ELMO1: variants seen among roughly 807,000 people sequenced by gnomAD.
ELMO1 encodes the protein engulfment and cell motility 1, also known as engulfment and cell motility protein 1.
In ELMO1, 26 loss-of-function variants were observed where a neutral mutation model predicts 98.9. The observed-to-expected ratio is 0.26, with a 90% CI of 0.19 to 0.36. The LOEUF (loss-of-function observed/expected upper bound fraction) is 0.36. Ranked by LOEUF, ELMO1 falls within the 10% of genes least tolerant of loss-of-function variation. ELMO1 has a pLI of 1.00. For synonymous variants in ELMO1, 346 were observed against 346.0 expected, an observed-to-expected ratio of 1.00 and a Z score of 0.00; for missense variants, 627 against 935.2, an observed-to-expected ratio of 0.67 and a Z score of 4.30.
chr7:37,063,217 C>T (rs1283716051), intron 15 of ELMO1, among the ~76,000 whole-genome samples: 2 of 151,992 alleles, frequency 1.3e-5, no homozygotes, highest in Non-Finnish European at 2.9e-5. Context: ...CAAATGGATG[C>T]TCACACCTGG....
At chr7:37,315,847 C>T (rs1282488833) in intron 3 of ELMO1, 73 bp downstream of exon 3, 2 of 1,305,440 alleles carry the variant, frequency 1.5e-6, no homozygotes, top group Non-Finnish European at 2.2e-6. Context: ...TTTTACTATC[C>T]TACTGGAAAT....
Position 37,155,524 on chromosome 7 carries a change from C to G in ELMO1, c.1087-22290G>C, listed in dbSNP as rs948745723. Among the ~76,000 whole-genome samples, 3 of 141,796 alleles carry G rather than the reference C, an allele frequency of 2.1e-5. No homozygotes were observed. In the South Asian group the frequency reaches 6.7e-4, roughly 31 times the overall value. The allele number at this position is 141,796 out of a possible 152,430, so 93.0% of individuals were successfully genotyped here. A position where few individuals can be genotyped will look rare whatever the true frequency, so the allele number is the denominator to read the frequency against. On this transcript the variant is annotated intron_variant, in intron 13 of 21. Coordinates refer to ENST00000310758, the MANE Select transcript of ELMO1 (RefSeq NM_014800.11). Reference sequence around the variant, plus strand: ...AAAAAAAAAAGCAGGTGTTGCAATCCTGGTCTCTGATAAAACAGACTTTAA... The same window carrying G: ...AAAAAAAAAAGCAGGTGTTGCAATCGTGGTCTCTGATAAAACAGACTTTAA...
Position 37,132,264 on chromosome 7 carries a change from T to G in ELMO1, c.1191+866A>C, listed in dbSNP as rs146644350. Reference sequence around the variant, plus strand: ...TTAATGGACATGCTCTTACCATATTTTAAGTTCAGCCTTACTCTTCCTGAT... The same window carrying G: ...TTAATGGACATGCTCTTACCATATTGTAAGTTCAGCCTTACTCTTCCTGAT... On this transcript the variant is annotated intron_variant, in intron 14 of 21. Coordinates refer to ENST00000310758, the MANE Select transcript of ELMO1 (RefSeq NM_014800.11). Among the ~76,000 whole-genome samples the G allele has an allele frequency of 9.2e-5, 14 of 152,314 alleles. No individual in the cohort carries two copies. In the East Asian group the frequency reaches 2.7e-3, roughly 29 times the overall value.
Position 36,906,991 on chromosome 7 carries a change from C to T in ELMO1, c.1438-11974G>A, listed in dbSNP as rs539222970. 2.0e-5 allele frequency among the ~76,000 whole-genome samples: 3 copies of T among 152,252 alleles called. 1 individual carries two copies. The highest frequency in any genetic ancestry group is 3.9e-4 in the East Asian group (2 of 5,188). On this transcript the variant is annotated intron_variant, in intron 16 of 21. Coordinates refer to ENST00000310758, the MANE Select transcript of ELMO1 (RefSeq NM_014800.11). Reference sequence around the variant, plus strand: ...GCAGTGAAATTATTTATTCACTACTCGTCTCCCCAGCAGGACCTTGAGCCC... The same window carrying T: ...GCAGTGAAATTATTTATTCACTACTTGTCTCCCCAGCAGGACCTTGAGCCC...
intron 21 of ELMO1, among the ~76,000 whole-genome samples, chr7:36,858,152 T>A (rs1443587103): frequency 6.6e-6 from 1 of 152,246 alleles, no homozygotes. Flanking sequence ...GTATTTATCC[T>A]GCCTACCATA....
intron 15 of ELMO1, among the ~76,000 whole-genome samples, chr7:37,056,849 A>T: frequency 6.6e-6 from 1 of 152,286 alleles, no homozygotes; most frequent in East Asian, 1.9e-4. Context: ...GATTTGGTCC[A>T]CTTTCAGCTG....
intron 1 of ELMO1, among the ~76,000 whole-genome samples, chr7:37,445,979 G>A (rs1338918538): frequency 6.6e-6 from 1 of 152,170 alleles, no homozygotes; most frequent in Non-Finnish European, 1.5e-5. Context: ...AATCTCCCAA[G>A]GAATCACCTC....
chr7:36,926,078 T>A (rs1391336227), intron 16 of ELMO1, among the ~76,000 whole-genome samples: 10 of 152,176 alleles, frequency 6.6e-5, no homozygotes, highest in South Asian at 6.2e-4. Context: ...GAACCCAGCT[T>A]GGCTACAACT....
intron 14 of ELMO1, among the ~76,000 whole-genome samples, chr7:37,099,744 GTAT>G (rs1784541419): frequency 6.6e-6 from 1 of 151,974 alleles, no homozygotes; most frequent in Admixed American, 6.5e-5. Context: ...AATAAAGTAG[GTAT>G]TATTAGTCTC....
At position 37,379,345 on chromosome 7, in the gene ELMO1, C is replaced by T. The variant is rs150985708; in HGVS notation, c.-73-36582G>A. Among the ~76,000 whole-genome samples the T allele has an allele frequency of 1.7e-3, 266 of 152,190 alleles. 2 individuals are homozygous for T. Among genetic ancestry groups the T allele is most frequent in the African/African-American group, 5.4e-3 (226 of 41,554 alleles). The stretch of plus-strand genomic sequence containing the variant: ...TGTGAGCCACCGCGCCCGGCCTCAT[C>T]ACATTCTTCTTCTTCATTACTTTTC... On this transcript the variant is annotated intron_variant, in intron 1 of 21. Transcript: ENST00000310758.
chr7:37,378,596 A>C (rs1161944379), intron 1 of ELMO1, among the ~76,000 whole-genome samples: 1 of 127,118 alleles, frequency 7.9e-6, no homozygotes, highest in Non-Finnish European at 1.8e-5. Flanking sequence ...GGTATAAACG[A>C]AAAAAAAAAC....
At chr7:37,237,689 G>A (rs1006398157) in intron 7 of ELMO1, among the ~76,000 whole-genome samples, 8 of 152,204 alleles carry the variant, frequency 5.3e-5, no homozygotes, top group African/African-American at 1.9e-4. Flanking sequence ...AATGGCCACA[G>A]TTCTGCCCTG....
intron 15 of ELMO1, among the ~76,000 whole-genome samples, chr7:37,085,665 G>C (rs1783727515): frequency 6.6e-6 from 1 of 152,070 alleles, no homozygotes. Flanking sequence ...ATAACCCGTG[G>C]GTCCAAGCTT....
chr7:36,892,589 T>C (rs1435017245), intron 17 of ELMO1, among the ~76,000 whole-genome samples: 2 of 152,264 alleles, frequency 1.3e-5, no homozygotes, highest in East Asian at 1.9e-4. Flanking sequence ...ATACATGGTC[T>C]ACTCCTCTAT....
At chr7:37,335,506 G>T (rs907178198) in intron 2 of ELMO1, among the ~76,000 whole-genome samples, 11 of 152,176 alleles carry the variant, frequency 7.2e-5, no homozygotes, top group Non-Finnish European at 1.3e-4. Context: ...CCACCCTAAA[G>T]AATCTGACTG....
intron 1 of ELMO1, among the ~76,000 whole-genome samples, chr7:37,415,529 T>C (rs1048751956): frequency 2.0e-5 from 3 of 152,242 alleles, no homozygotes; most frequent in Non-Finnish European, 4.4e-5. Context: ...ATGTGAGTTA[T>C]GATAGACAGT....
rs116756241 is a variant in ELMO1 at position 36,918,336 on chromosome 7, T to C, written c.1438-23319A>G. On this transcript the variant is annotated intron_variant, in intron 16 of 21. Coordinates refer to ENST00000310758, the MANE Select transcript of ELMO1 (RefSeq NM_014800.11). Reference sequence around the variant, plus strand: ...GCTCAACACCTATTTGCTCCCCCTGTGGCTCTCAGAAAATGTAAAAGGGAT... The same window carrying C: ...GCTCAACACCTATTTGCTCCCCCTGCGGCTCTCAGAAAATGTAAAAGGGAT... 8.7e-3 allele frequency among the ~76,000 whole-genome samples: 1,323 copies of C among 152,338 alleles called. 20 individuals are homozygous for C. Among genetic ancestry groups the C allele is most frequent in the African/African-American group, 0.03 (1,259 of 41,578 alleles).
intron 8 of ELMO1, among the ~76,000 whole-genome samples, chr7:37,226,840 G>A (rs900532794): frequency 4.6e-5 from 7 of 152,074 alleles, no homozygotes; most frequent in Non-Finnish European, 1.0e-4. Flanking sequence ...AACATGCATT[G>A]CGTGTGTACT....
At chr7:37,173,089 C>T (rs1790278736) in intron 13 of ELMO1, among the ~76,000 whole-genome samples, 1 of 152,208 alleles carries the variant, frequency 6.6e-6, no homozygotes. Context: ...TGTGAAATAG[C>T]ATTTCCTGTA....
Sources: allele counts gnomAD v4.1 joint callset (sites outside exome capture counted in the v4.1 genomes callset), GRCh38; gene constraint gnomAD v4.1.1; transcripts MANE v1.5; gene names NCBI Gene and HGNC (gene_info 2026-07-23, HGNC 2026-07-21).